Variants in POPDC2 observed in about 807,000 individuals in gnomAD.
POPDC2 encodes popeye domain cAMP effector 2.
POPDC2 carries 24 observed loss-of-function variants against 30.5 expected under a neutral mutation model. That is an observed-to-expected ratio of 0.79 (90% CI 0.57 to 1.11). The LOEUF (loss-of-function observed/expected upper bound fraction) is 1.11, where lower values mean the gene tolerates loss of function less well. Ranked by LOEUF, POPDC2 falls within the 50% of genes least tolerant of loss-of-function variation. The pLI, the probability that POPDC2 is intolerant of heterozygous loss-of-function variation, is 0.00. For missense variants in POPDC2, 409 were observed against 447.0 expected, an observed-to-expected ratio of 0.91 and a Z score of 0.77; for synonymous variants, 185 against 183.3, an observed-to-expected ratio of 1.01 and a Z score of -0.07.
At chr3:119,645,032 T>C (rs961347534) in intron 3 of POPDC2, among the ~76,000 whole-genome samples, 6 of 152,330 alleles carry the variant, frequency 3.9e-5, no homozygotes, top group Admixed American at 6.5e-5. Context: ...AAAACCTCTA[T>C]GGCCTGAAAA....
In POPDC2 at chr3:119,660,265, AAGAT is replaced by A; in HGVS notation, c.155_158del (p.Tyr52PhefsTer5). On this transcript the variant is annotated frameshift_variant, in exon 1 of 4. Transcript: ENST00000493094. LOFTEE classifies it high-confidence loss of function. ...GGTAACCTGCACTCAGGAAGCCAAAAAGATAGAAGCATCCATACACCCCACTGCC... is the reference window on the plus strand; with the variant it reads ...GGTAACCTGCACTCAGGAAGCCAAAAAGAAGCATCCATACACCCCACTGCC... 6.2e-7 allele frequency: 1 copy of A among 1,614,200 alleles called. No individual in the cohort carries two copies. Among genetic ancestry groups the A allele is most frequent in the Non-Finnish European group, 8.5e-7 (1 of 1,180,040 alleles).
At chr3:119,647,048 A>T (rs1039505128) in intron 3 of POPDC2, among the ~76,000 whole-genome samples, 1 of 152,242 alleles carries the variant, frequency 6.6e-6, no homozygotes, top group African/African-American at 2.4e-5. Flanking sequence ...TGTAAATTCC[A>T]TATCTACAAA....
At chr3:119,648,817 G>A (rs1029079040) in intron 2 of POPDC2, 149 bp from the exon 3 acceptor site, 2 of 689,490 alleles carry the variant, frequency 2.9e-6, no homozygotes, top group African/African-American at 1.8e-5. Context: ...GCCTGGAGGA[G>A]GTCTAGTGGA....
chr3:119,651,576 A>C (rs1330760688), intron 2 of POPDC2, among the ~76,000 whole-genome samples: 2 of 152,166 alleles, frequency 1.3e-5, no homozygotes, highest in Admixed American at 1.3e-4. Context: ...TGAATAAATG[A>C]ATCAAGGGAA....
At chr3:119,656,636 GGAA>G (rs1333044964) in intron 1 of POPDC2, among the ~76,000 whole-genome samples, 1 of 152,162 alleles carries the variant, frequency 6.6e-6, no homozygotes, top group Non-Finnish European at 1.5e-5. Flanking sequence ...GGCCACATCT[GGAA>G]GAAGATTAGA....
intron 1 of POPDC2, among the ~76,000 whole-genome samples, chr3:119,655,890 C>A (rs1195081316): frequency 6.6e-6 from 1 of 152,148 alleles, no homozygotes; most frequent in African/African-American, 2.4e-5. Flanking sequence ...ACCTCTCTAA[C>A]CGTAGGTGAC....
At chr3:119,643,536 T>C (rs950348460) in intron 3 of POPDC2, 1 of 927,586 alleles carries the variant, frequency 1.1e-6, no homozygotes, top group African/African-American at 1.6e-5. Context: ...CACATTTAAC[T>C]AGTGCTTCAG....
intron 2 of POPDC2, among the ~76,000 whole-genome samples, chr3:119,651,116 T>G (rs112748960): frequency 0.01 from 1,525 of 152,330 alleles, 26 homozygotes; most frequent in African/African-American, 0.034. Context: ...CTTTCTCTCC[T>G]GCTATTCCCT....
chr3:119,643,317 G>T, intron 3 of POPDC2: 2 of 1,208,206 alleles, frequency 1.7e-6, no homozygotes, highest in Non-Finnish European at 2.4e-6. Context: ...GCTATTCAGG[G>T]GCTAAAGAGC....
At chr3:119,657,871 A>G (rs1384838365) in intron 1 of POPDC2, among the ~76,000 whole-genome samples, 2 of 152,196 alleles carry the variant, frequency 1.3e-5, no homozygotes, top group Non-Finnish European at 2.9e-5. Context: ...AGGGGGTTGT[A>G]TATATGGAAG....
Position 119,659,963 on chromosome 3 carries a change from A to C in POPDC2, c.461T>G (p.Ile154Ser). ...AGAGAGCAGCAGGGACAGGCGGTTG[A>C]TGGGTGTCTCACCCTCCACAGCATA... is the stretch of plus-strand genomic sequence containing the variant. Reference protein sequence around the residue: ...QTYAVEGETPINRLSLLLSGR... With the variant: ...QTYAVEGETPSNRLSLLLSGR... The change falls in exon 1 of 4, where the codon ATC (isoleucine) becomes AGC (serine). Residue 154 changes from isoleucine (I) to serine (S), a missense_variant. Ile to Ser is a moderately radical substitution (Grantham distance 142, BLOSUM62 -2). Transcript: ENST00000493094. 1 of 1,599,486 alleles carries C rather than the reference A, an allele frequency of 6.3e-7. No homozygotes were observed. The highest frequency in any genetic ancestry group is 1.1e-5 in the South Asian group (1 of 90,468).
chr3:119,645,511 C>A (rs866397956), intron 3 of POPDC2, among the ~76,000 whole-genome samples: 30 of 142,748 alleles, frequency 2.1e-4, no homozygotes, highest in Non-Finnish European at 3.6e-4. Flanking sequence ...TGCAGTGAGC[C>A]GAGATCGCGC....
At chr3:119,658,152 G>GC (rs770923444) in intron 1 of POPDC2, among the ~76,000 whole-genome samples, 26 of 152,162 alleles carry the variant, frequency 1.7e-4, no homozygotes, top group Non-Finnish European at 3.8e-4. Flanking sequence ...ACTGTAACCA[G>GC]CCCAAGGTTC....
intron 1 of POPDC2, among the ~76,000 whole-genome samples, chr3:119,659,615 T>C (rs955014029): frequency 6.6e-6 from 1 of 152,192 alleles, no homozygotes; most frequent in African/African-American, 2.4e-5. Flanking sequence ...CTGATATGTG[T>C]GTGGTGATGG....
chr3:119,653,072 ATGTG>A (rs35823737), intron 2 of POPDC2, among the ~76,000 whole-genome samples: 1 of 101,138 alleles, frequency 9.9e-6, no homozygotes, highest in Non-Finnish European at 2.4e-5. Flanking sequence ...GTGTGTGTGT[ATGTG>A]TGTGTGTAAA....
At chr3:119,645,478 C>T (rs1371511411) in intron 3 of POPDC2, among the ~76,000 whole-genome samples, 1 of 146,852 alleles carries the variant, frequency 6.8e-6, no homozygotes. Flanking sequence ...AGGAGAATGG[C>T]GGTGAACCCG....
At chr3:119,654,438 A>T in intron 2 of POPDC2, 67 bp downstream of exon 2, 1 of 1,054,048 alleles carries the variant, frequency 9.5e-7, no homozygotes, top group Non-Finnish European at 1.5e-6. Context: ...GGAAACATGG[A>T]GGCACGGATA....
At chr3:119,652,424 G>C (rs2052822809) in intron 2 of POPDC2, among the ~76,000 whole-genome samples, 1 of 152,194 alleles carries the variant, frequency 6.6e-6, no homozygotes, top group Non-Finnish European at 1.5e-5. Flanking sequence ...TTTGCAAAGA[G>C]GAAATGGGAC....
At chr3:119,647,981 C>T in intron 3 of POPDC2, 138 bp downstream of exon 3, 1 of 627,730 alleles carries the variant, frequency 1.6e-6, no homozygotes, top group Admixed American at 3.4e-5. Context: ...GAGTTGCTAT[C>T]TTCAAAGTTG....
Sources: gnomAD v4.1 joint callset for allele counts (sites outside exome capture counted in the v4.1 genomes callset) on GRCh38, gnomAD v4.1.1 for gene constraint, MANE v1.5 for transcripts, NCBI Gene and HGNC (gene_info 2026-07-23, HGNC 2026-07-21) for gene names.